CD47: variants seen among roughly 807,000 people sequenced by gnomAD.
The protein encoded by CD47 is leukocyte surface antigen CD47.
A neutral mutation model predicts 44.6 loss-of-function variants in CD47; 11 were observed. The observed-to-expected ratio is 0.25, with a 90% CI of 0.16 to 0.41. The LOEUF is 0.41. Ranked by LOEUF, CD47 falls within the 10% of genes least tolerant of loss-of-function variation. The pLI is 1.00. For synonymous variants in CD47, 140 were observed against 136.3 expected (o/e 1.03, Z -0.19); for missense variants, 306 against 386.7 (o/e 0.79, Z 1.75).
At chr3:108,058,546 T>C (rs2108232424) in intron 5 of CD47, 117 bp from the exon 6 acceptor site, 1 of 603,202 alleles carries the variant, frequency 1.7e-6, no homozygotes, top group African/African-American at 1.9e-5. Flanking sequence ...ACTCTGGAGT[T>C]CATTGTTTGA....
At chr3:108,057,923 C>T (rs531562784) in intron 6 of CD47, among the ~76,000 whole-genome samples, 7 of 152,148 alleles carry the variant, frequency 4.6e-5, no homozygotes, top group South Asian at 2.1e-4. Context: ...ATCTTTGTAG[C>T]GAGGAGGAAA....
chr3:108,047,188 C>A lies in CD47; in HGVS notation c.*100G>T. On this transcript the variant is annotated 3_prime_UTR_variant, in exon 11 of 11. Coordinates refer to ENST00000361309, the MANE Select transcript of CD47 (RefSeq NM_001777.4). ...CAACCAGTTACTTTTCTTGTTTCTT[C>A]TCCCCAACAGTGAATCATCAAGGCC... is the stretch of plus-strand genomic sequence containing the variant. 1.1e-6 allele frequency: 1 copy of A among 924,698 alleles called. No homozygotes were observed. Among genetic ancestry groups the A allele is most frequent in the Non-Finnish European group, 1.7e-6 (1 of 596,240 alleles). The allele number at this position is 924,698 out of a possible 1,614,324, so 57.3% of individuals were successfully genotyped here. A position where few individuals can be genotyped will look rare whatever the true frequency, so the allele number is the denominator to read the frequency against.
intron 8 of CD47, among the ~76,000 whole-genome samples, chr3:108,051,176 C>T (rs62264060): frequency 0.095 from 14,479 of 152,174 alleles, 968 homozygotes; most frequent in Non-Finnish European, 0.13. Flanking sequence ...CCTCTACCTC[C>T]GGCCACAGAC....
At chr3:108,049,932 T>C (rs1429588663) in intron 9 of CD47, among the ~76,000 whole-genome samples, 1 of 152,156 alleles carries the variant, frequency 6.6e-6, no homozygotes, top group Non-Finnish European at 1.5e-5. Context: ...TTCTAAAATG[T>C]GTACATCACA....
Position 108,045,824 on chromosome 3 carries a change from G to A in CD47, c.*1464C>T, listed in dbSNP as rs1363702525. The A allele has an allele frequency of 2.0e-5, 3 of 152,158 alleles. No individual in the cohort carries two copies. The highest frequency in any genetic ancestry group is 2.1e-4 in the South Asian group (1 of 4,834). 9.4% of individuals were successfully genotyped at this position (152,158 alleles called of 1,614,324 possible). A position where few individuals can be genotyped will look rare whatever the true frequency, so the allele number is the denominator to read the frequency against. On this transcript the variant is annotated 3_prime_UTR_variant, in exon 11 of 11. Coordinates refer to ENST00000361309, the MANE Select transcript of CD47 (RefSeq NM_001777.4). ...GGGTATTGGTGAGCAGTCAAAAAGC[G>A]TGGCAAATTACCTAGAAGTTTTAAA...
At position 108,045,704 on chromosome 3, in the gene CD47, G is replaced by A. The variant is rs1035472586; in HGVS notation, c.*1584C>T. 15 of 152,348 alleles carry A rather than the reference G, an allele frequency of 9.8e-5. No homozygotes were observed. Among genetic ancestry groups the A allele is most frequent in the African/African-American group, 3.4e-4 (14 of 41,350 alleles). 9.4% of individuals were successfully genotyped at this position (152,348 alleles called of 1,614,324 possible). A position where few individuals can be genotyped will look rare whatever the true frequency, so the allele number is the denominator to read the frequency against. ...TCAATTTGGCATAAAAGAGGCACAC[G>A]GGAACATCTGATGGACTAAGAAATA... On this transcript the variant is annotated 3_prime_UTR_variant, in exon 11 of 11. Coordinates refer to ENST00000361309, the MANE Select transcript of CD47 (RefSeq NM_001777.4).
intron 1 of CD47, among the ~76,000 whole-genome samples, chr3:108,081,278 T>C (rs1468311495): frequency 2.0e-5 from 3 of 152,032 alleles, no homozygotes; most frequent in Non-Finnish European, 4.4e-5. Flanking sequence ...TACAAGAATG[T>C]GTAGGAATTG....
At position 108,043,278 on chromosome 3, in the gene CD47, A is replaced by G. The variant is rs2108209100; in HGVS notation, c.*4010T>C. 6.5e-6 allele frequency: 1 copy of G among 152,720 alleles called. No individual in the cohort carries two copies. The highest frequency in any genetic ancestry group is 1.5e-5 in the Non-Finnish European group (1 of 68,026). The allele number at this position is 152,720 out of a possible 1,614,324, so 9.5% of individuals were successfully genotyped here. ...TGTGCTTGTGGTCTGCTGTAGCAGC[A>G]ATAGAAATAGCCCAACAAAATAGCT... On this transcript the variant is annotated 3_prime_UTR_variant, in exon 11 of 11. Coordinates refer to ENST00000361309, the MANE Select transcript of CD47 (RefSeq NM_001777.4).
intron 2 of CD47, among the ~76,000 whole-genome samples, chr3:108,076,080 C>T (rs1251189969): frequency 1.3e-5 from 2 of 152,192 alleles, no homozygotes; most frequent in African/African-American, 4.8e-5. Context: ...ATAAAGTATG[C>T]CCTGGGCAAC....
intron 1 of CD47, among the ~76,000 whole-genome samples, chr3:108,086,040 A>T (rs1488381729): frequency 6.6e-6 from 1 of 152,122 alleles, no homozygotes; most frequent in Non-Finnish European, 1.5e-5. Context: ...GATGAGTAAG[A>T]ATGTTATGGG....
intron 2 of CD47, among the ~76,000 whole-genome samples, chr3:108,075,020 C>T (rs2079284513): frequency 6.6e-6 from 1 of 152,192 alleles, no homozygotes; most frequent in African/African-American, 2.4e-5. Context: ...AGACATGATA[C>T]TTCTTTCAGC....
Position 108,045,466 on chromosome 3 carries a change from T to C in CD47, c.*1822A>G, listed in dbSNP as rs1226512535. The C allele has an allele frequency of 1.3e-5, 2 of 152,582 alleles. No homozygotes were observed. Among genetic ancestry groups the C allele is most frequent in the Non-Finnish European group, 2.9e-5 (2 of 68,038 alleles). 9.5% of individuals were successfully genotyped at this position (152,582 alleles called of 1,614,324 possible). On this transcript the variant is annotated 3_prime_UTR_variant, in exon 11 of 11. Transcript: ENST00000361309. Reference sequence around the variant, plus strand: ...GGAATACAGCTCCCTCTATATATGTTATTATTTTGGACAGCTACACAATCA... The same window carrying C: ...GGAATACAGCTCCCTCTATATATGTCATTATTTTGGACAGCTACACAATCA...
chr3:108,065,237 G>C (rs2079082627), intron 3 of CD47, among the ~76,000 whole-genome samples: 2 of 152,178 alleles, frequency 1.3e-5, no homozygotes, highest in African/African-American at 2.4e-5. Context: ...CATAAAAGAT[G>C]AAAGAAGAGG....
chr3:108,047,059 T>A lies in CD47; in HGVS notation c.*229A>T, dbSNP rs1429261484. 10 of 424,816 alleles carry A rather than the reference T, an allele frequency of 2.4e-5. No homozygotes were observed. The highest frequency in any genetic ancestry group is 4.2e-5 in the Non-Finnish European group (10 of 239,688). The allele number at this position is 424,816 out of a possible 1,614,324, so 26.3% of individuals were successfully genotyped here. A position where few individuals can be genotyped will look rare whatever the true frequency, so the allele number is the denominator to read the frequency against. On this transcript the variant is annotated 3_prime_UTR_variant, in exon 11 of 11. Coordinates refer to ENST00000361309, the MANE Select transcript of CD47 (RefSeq NM_001777.4). ...TTAAAAATAACAACAAAAAACTGGATCTCAATTGGGCAAACAACATAGATC... is the reference window on the plus strand; with the variant it reads ...TTAAAAATAACAACAAAAAACTGGAACTCAATTGGGCAAACAACATAGATC...
intron 9 of CD47, among the ~76,000 whole-genome samples, 166 bp from the exon 10 acceptor site, chr3:108,049,817 A>C (rs1346646132): frequency 6.6e-6 from 1 of 152,222 alleles, no homozygotes; most frequent in Non-Finnish European, 1.5e-5. Flanking sequence ...GATCATACCC[A>C]CAGCATTCAC....
rs2108213778 is a variant in CD47, at chr3:108,046,361, T to C, written c.*927A>G. 1 of 152,746 alleles carries C rather than the reference T, an allele frequency of 6.5e-6. No individual in the cohort carries two copies. The highest frequency in any genetic ancestry group is 3.4e-3 in the Middle Eastern group (1 of 294). 9.5% of individuals were successfully genotyped at this position (152,746 alleles called of 1,614,324 possible). ...TCAGAAAAGAAGTGAAGAAACACTG[T>C]AGATTTTTGCCTTCAAATCAGAGGA... On this transcript the variant is annotated 3_prime_UTR_variant, in exon 11 of 11. Coordinates refer to ENST00000361309, the MANE Select transcript of CD47 (RefSeq NM_001777.4).
At chr3:108,064,716 G>C (rs533881396) in intron 3 of CD47, among the ~76,000 whole-genome samples, 123 of 152,270 alleles carry the variant, frequency 8.1e-4, no homozygotes, top group African/African-American at 2.8e-3. Context: ...TGGTAAGTAA[G>C]CAGAGAGACA....
rs2079365583 is a variant in CD47, at chr3:108,079,121, C to T, written c.400+870G>A. ...TAGGCAAATAGTTGATCCAACTGAA[C>T]AGAACTGAACCTATCTAGAGTTAAG... On this transcript the variant is annotated intron_variant, in intron 2 of 10. Transcript: ENST00000361309. Among the ~76,000 whole-genome samples, 2 of 151,980 alleles carry T rather than the reference C, an allele frequency of 1.3e-5. 1 individual carries two copies. The highest frequency in any genetic ancestry group is 4.1e-4 in the South Asian group (2 of 4,822).
chr3:108,066,137 G>A (rs911501694), intron 3 of CD47, among the ~76,000 whole-genome samples: 4 of 151,862 alleles, frequency 2.6e-5, no homozygotes, highest in African/African-American at 9.7e-5. Context: ...AGTGTAATGA[G>A]AACTTTTTTC....
Sources: allele counts gnomAD v4.1 joint callset (sites outside exome capture counted in the v4.1 genomes callset), GRCh38; gene constraint gnomAD v4.1.1; transcripts MANE v1.5; gene names NCBI Gene and HGNC (gene_info 2026-07-23, HGNC 2026-07-21).